Variants in CYB5A observed in about 807,000 individuals in gnomAD.
CYB5A encodes the protein cytochrome b5.
In CYB5A, 10 loss-of-function variants were observed where a neutral mutation model predicts 16.2. The ratio of observed to expected loss-of-function variants is 0.62; its 90% CI spans 0.38 to 1.04. CYB5A has a LOEUF of 1.04. CYB5A is among the 50% of genes least tolerant of loss of function. The pLI, the probability that CYB5A is intolerant of heterozygous loss-of-function variation, is 0.01. For missense variants in CYB5A, 161 were observed against 165.9 expected (o/e 0.97, Z 0.16); for synonymous variants, 62 against 57.0 (o/e 1.09, Z -0.40).
At chr18:74,262,310 G>T (rs1208083157) in intron 2 of CYB5A, among the ~76,000 whole-genome samples, 1 of 152,158 alleles carries the variant, frequency 6.6e-6, no homozygotes, top group Non-Finnish European at 1.5e-5. Flanking sequence ...AAAACAATTG[G>T]CCAGGCATGG....
chr18:74,283,374 T>C (rs1983192244), intron 1 of CYB5A, among the ~76,000 whole-genome samples: 1 of 152,108 alleles, frequency 6.6e-6, no homozygotes, highest in Non-Finnish European at 1.5e-5. Context: ...ACCACACCGA[T>C]GATTCAGCCC....
chr18:74,255,193 A>G, intron 4 of CYB5A, among the ~76,000 whole-genome samples: 1 of 152,216 alleles, frequency 6.6e-6, no homozygotes, highest in East Asian at 1.9e-4. Flanking sequence ...GGGTCCAAAA[A>G]AGTGGCTACT....
At chr18:74,279,668 C>G (rs1393961359) in intron 1 of CYB5A, among the ~76,000 whole-genome samples, 1 of 152,070 alleles carries the variant, frequency 6.6e-6, no homozygotes, top group Non-Finnish European at 1.5e-5. Flanking sequence ...TTTTTCCTCT[C>G]AATGCCAAAT....
chr18:74,259,785 A>C (rs1426205167), intron 3 of CYB5A: 2 of 152,194 alleles, frequency 1.3e-5, no homozygotes, highest in African/African-American at 4.8e-5. Context: ...GCTGTCCAAA[A>C]AGTAGCCTCA....
At chr18:74,278,808 T>G (rs1330723932) in intron 1 of CYB5A, among the ~76,000 whole-genome samples, 2 of 152,262 alleles carry the variant, frequency 1.3e-5, no homozygotes, top group African/African-American at 2.4e-5. Context: ...CTTTTAGAAC[T>G]GAATTAGTAA....
intron 1 of CYB5A, among the ~76,000 whole-genome samples, chr18:74,267,960 G>A (rs17230390): frequency 0.013 from 1,964 of 152,322 alleles, 14 homozygotes; most frequent in Middle Eastern, 0.024. Context: ...AGTGGGGATG[G>A]GCATGGAGAT....
At chr18:74,268,170 G>C (rs943887957) in intron 1 of CYB5A, among the ~76,000 whole-genome samples, 3 of 152,204 alleles carry the variant, frequency 2.0e-5, no homozygotes, top group Admixed American at 1.3e-4. Flanking sequence ...GATGAAACAT[G>C]AATAACTATG....
At chr18:74,283,337 G>A (rs1417962947) in intron 1 of CYB5A, among the ~76,000 whole-genome samples, 4 of 152,150 alleles carry the variant, frequency 2.6e-5, no homozygotes, top group East Asian at 1.9e-4. Context: ...CCCACTACAC[G>A]TGCAAACAAT....
At chr18:74,258,476 C>T (rs576289617) in intron 3 of CYB5A, 1 of 152,276 alleles carries the variant, frequency 6.6e-6, no homozygotes, top group African/African-American at 2.4e-5. Context: ...CAGGTTCAAG[C>T]TAATAATCTT....
chr18:74,280,832 G>C (rs1416820290), intron 1 of CYB5A, among the ~76,000 whole-genome samples: 3 of 152,098 alleles, frequency 2.0e-5, no homozygotes, highest in Non-Finnish European at 4.4e-5. Context: ...ATACGTATGT[G>C]TCCCTCTGCC....
At chr18:74,289,910 A>G (rs1167263856) in intron 1 of CYB5A, among the ~76,000 whole-genome samples, 1 of 152,150 alleles carries the variant, frequency 6.6e-6, no homozygotes, top group East Asian at 1.9e-4. Flanking sequence ...CCAAAATGTC[A>G]ACAGTGCCAG....
At chr18:74,289,925 G>A (rs1983469256) in intron 1 of CYB5A, among the ~76,000 whole-genome samples, 1 of 152,034 alleles carries the variant, frequency 6.6e-6, no homozygotes, top group South Asian at 2.1e-4. Context: ...TGCCAGGGTT[G>A]AAAAAACTCG....
In CYB5A at chr18:74,252,890, A is replaced by G. The variant is rs1486371297; in HGVS notation, c.*694T>C. The G allele has an allele frequency of 1.3e-5, 2 of 152,390 alleles. No homozygotes were observed. Among genetic ancestry groups the G allele is most frequent in the African/African-American group, 4.8e-5 (2 of 41,428 alleles). The allele number at this position is 152,390 out of a possible 1,614,324, so 9.4% of individuals were successfully genotyped here. On this transcript the variant is annotated 3_prime_UTR_variant, in exon 5 of 5. Transcript: ENST00000340533. ...TGCTAATTTTGTATTTTTAGTAGAG[A>G]CAGGGTTTCACCATGTTGGTCAGGC...
In CYB5A at chr18:74,291,876, C is replaced by T. The variant is rs1419754446; in HGVS notation, c.-1G>A. 5 of 1,611,794 alleles carry T rather than the reference C, an allele frequency of 3.1e-6. No individual in the cohort carries two copies. Among genetic ancestry groups the T allele is most frequent in the Non-Finnish European group, 4.2e-6 (5 of 1,179,862 alleles). ...CGGCCTCGTCCGACTGCTCTGCCAT[C>T]TCGGTTCGCCGCGAGCCAGGCCCAG... is the stretch of plus-strand genomic sequence containing the variant. On this transcript the variant is annotated 5_prime_UTR_variant, in exon 1 of 5. Transcript: ENST00000340533.
At position 74,253,518 on chromosome 18, in the gene CYB5A, T is replaced by C; in HGVS notation, c.*66A>G. The C allele has an allele frequency of 1.0e-6, 1 of 957,582 alleles. No individual in the cohort carries two copies. The highest frequency in any genetic ancestry group is 1.7e-6 in the Non-Finnish European group (1 of 591,158). The allele number at this position is 957,582 out of a possible 1,614,324, so 59.3% of individuals were successfully genotyped here. A position where few individuals can be genotyped will look rare whatever the true frequency, so the allele number is the denominator to read the frequency against. Reference sequence around the variant, plus strand: ...GAAGGTTTCTGTCAGTTGAAGTAGTTAGCAATGGCTTCTTTTCTCCCGTGT... The same window carrying C: ...GAAGGTTTCTGTCAGTTGAAGTAGTCAGCAATGGCTTCTTTTCTCCCGTGT... On this transcript the variant is annotated 3_prime_UTR_variant, in exon 5 of 5. Coordinates refer to ENST00000340533, the MANE Select transcript of CYB5A (RefSeq NM_148923.4).
intron 1 of CYB5A, among the ~76,000 whole-genome samples, chr18:74,289,647 G>A (rs1444948816): frequency 2.6e-5 from 4 of 151,924 alleles, no homozygotes; most frequent in African/African-American, 9.7e-5. Context: ...GTGATGGTGT[G>A]CGCCTGTAAT....
At chr18:74,291,697 C>A in intron 1 of CYB5A, 50 bp downstream of exon 1, 1 of 1,612,382 alleles carries the variant, frequency 6.2e-7, no homozygotes. Flanking sequence ...AGTGAACCCC[C>A]AAACCCGGCC....
At chr18:74,259,782 A>G (rs1391830576) in intron 3 of CYB5A, 6 of 152,202 alleles carry the variant, frequency 3.9e-5, no homozygotes, top group African/African-American at 1.4e-4. Flanking sequence ...TCAGCTGTCC[A>G]AAAAGTAGCC....
intron 1 of CYB5A, among the ~76,000 whole-genome samples, chr18:74,286,088 T>C (rs1217558954): frequency 1.3e-5 from 2 of 152,170 alleles, no homozygotes; most frequent in African/African-American, 4.8e-5. Context: ...CAGAGCAGCA[T>C]GCAGAGCACA....
Sources: allele counts gnomAD v4.1 joint callset (sites outside exome capture counted in the v4.1 genomes callset), GRCh38; gene constraint gnomAD v4.1.1; transcripts MANE v1.5; gene names NCBI Gene and HGNC (gene_info 2026-07-23, HGNC 2026-07-21).